PSMD1: variants seen among roughly 807,000 people sequenced by gnomAD.
The protein encoded by PSMD1 is proteasome 26S subunit, non-ATPase 1.
Under a neutral mutation model 119.0 loss-of-function variants are expected in PSMD1, and 18 were observed. That is an observed-to-expected ratio of 0.15 (90% CI 0.10 to 0.22). PSMD1 has a LOEUF of 0.22. Among genes scored for constraint, PSMD1 ranks in the 10% least tolerant of loss-of-function variants. PSMD1 has a pLI of 1.00. For synonymous variants in PSMD1, 374 were observed against 396.6 expected, an observed-to-expected ratio of 0.94 and a Z score of 0.68; for missense variants, 702 against 1,158.5, an observed-to-expected ratio of 0.61 and a Z score of 5.72.
At chr2:231,075,775 G>T (rs1336893346) in intron 8 of PSMD1, among the ~76,000 whole-genome samples, 1 of 152,078 alleles carries the variant, frequency 6.6e-6, no homozygotes, top group Non-Finnish European at 1.5e-5. Flanking sequence ...GTAGAGACAG[G>T]GTTCGCTGTG....
intron 17 of PSMD1, among the ~76,000 whole-genome samples, chr2:231,141,153 C>CA (rs1220179596): frequency 6.6e-6 from 1 of 151,998 alleles, no homozygotes; most frequent in African/African-American, 2.4e-5. Flanking sequence ...ACTAAAAATA[C>CA]AAAAAATTAG....
chr2:231,103,422 T>TA (rs34000762), intron 16 of PSMD1, among the ~76,000 whole-genome samples: 108 of 152,338 alleles, frequency 7.1e-4, no homozygotes, highest in Non-Finnish European at 1.4e-3. Flanking sequence ...GCCTGATTGT[T>TA]TCTTAAGTTA....
At chr2:231,110,800 G>A (rs1335199480) in intron 16 of PSMD1, among the ~76,000 whole-genome samples, 5 of 152,186 alleles carry the variant, frequency 3.3e-5, no homozygotes, top group African/African-American at 1.2e-4. Context: ...CCATTTGTTA[G>A]TAACATATTG....
At chr2:231,099,531 T>C (rs933932332) in intron 16 of PSMD1, among the ~76,000 whole-genome samples, 2 of 152,224 alleles carry the variant, frequency 1.3e-5, no homozygotes, top group African/African-American at 2.4e-5. Context: ...TAGGGAGATA[T>C]CCAGGGGGAT....
intron 14 of PSMD1, among the ~76,000 whole-genome samples, chr2:231,083,976 T>C (rs1694374048): frequency 6.6e-6 from 1 of 152,218 alleles, no homozygotes; most frequent in Non-Finnish European, 1.5e-5. Context: ...TAAATTTTGC[T>C]ATAGCTTCAG....
chr2:231,165,486 A>G (rs901640684), intron 22 of PSMD1, among the ~76,000 whole-genome samples, 200 bp downstream of exon 22: 2 of 152,190 alleles, frequency 1.3e-5, no homozygotes, highest in African/African-American at 4.8e-5. Context: ...AGAAGGGTAC[A>G]AATCAGTAAA....
At chr2:231,130,659 G>C (rs997238279) in intron 16 of PSMD1, among the ~76,000 whole-genome samples, 2 of 152,020 alleles carry the variant, frequency 1.3e-5, no homozygotes, top group African/African-American at 4.8e-5. Context: ...GGTTTCGCGG[G>C]AATGCCAAGG....
Position 231,153,597 on chromosome 2 carries a change from A to G in PSMD1, c.2149A>G (p.Ile717Val), listed in dbSNP as rs780310879. Residue 717 changes from isoleucine to valine, a missense_variant, in exon 19 of 25, where the codon ATC becomes GTC. Physicochemically the swap from Ile to Val is conservative, Grantham distance 29 (BLOSUM62 3). Transcript: ENST00000308696. ...GTTCAGACAGCTGTATTCCAAAGTC[A>G]TCAATGATAAGCATGATGATGTCAT... is the stretch of plus-strand genomic sequence containing the variant. Reference protein sequence around the residue: ...NQFRQLYSKVINDKHDDVMAK... With the variant: ...NQFRQLYSKVVNDKHDDVMAK... 3 of 1,613,838 alleles carry G rather than the reference A, an allele frequency of 1.9e-6. No homozygotes were observed. The highest frequency in any genetic ancestry group is 1.3e-5 in the African/African-American group (1 of 74,918).
At chr2:231,113,973 G>GTTT in intron 16 of PSMD1, 2 of 1,533,706 alleles carry the variant, frequency 1.3e-6, no homozygotes, top group Non-Finnish European at 1.8e-6. Flanking sequence ...TCTATAAAAT[G>GTTT]GCAACTTTCA....
intron 17 of PSMD1, among the ~76,000 whole-genome samples, chr2:231,144,705 C>A (rs1243747311): frequency 6.6e-6 from 1 of 152,154 alleles, no homozygotes; most frequent in South Asian, 2.1e-4. Context: ...CAAGCCACCA[C>A]GCCCACCCAG....
At chr2:231,135,751 A>G (rs1167030564) in intron 16 of PSMD1, among the ~76,000 whole-genome samples, 1 of 152,144 alleles carries the variant, frequency 6.6e-6, no homozygotes, top group Non-Finnish European at 1.5e-5. Context: ...GTTTTCTAAT[A>G]TATTGCTTTT....
At chr2:231,118,139 T>G (rs1034095066) in intron 16 of PSMD1, among the ~76,000 whole-genome samples, 44 of 152,098 alleles carry the variant, frequency 2.9e-4, no homozygotes, top group African/African-American at 9.9e-4. Context: ...GTACCTGTTT[T>G]ATAGGATTTC....
intron 23 of PSMD1, among the ~76,000 whole-genome samples, chr2:231,168,639 A>G (rs1256037151): frequency 6.6e-6 from 1 of 152,242 alleles, no homozygotes; most frequent in Non-Finnish European, 1.5e-5. Flanking sequence ...TACCAAGGAC[A>G]GGGGAAGGGG....
chr2:231,070,846 A>G (rs1448649497), intron 6 of PSMD1, among the ~76,000 whole-genome samples: 2 of 152,034 alleles, frequency 1.3e-5, no homozygotes. Context: ...CATTTTTTGT[A>G]TTCTGCTCAG....
intron 16 of PSMD1, among the ~76,000 whole-genome samples, chr2:231,122,853 A>G (rs1695593389): frequency 6.6e-6 from 1 of 152,162 alleles, no homozygotes. Context: ...TCCTTCAGCA[A>G]CTAAACATAA....
intron 16 of PSMD1, chr2:231,113,820 G>A: frequency 6.2e-7 from 1 of 1,614,124 alleles, no homozygotes; most frequent in Non-Finnish European, 8.5e-7. Context: ...TGATGGCTAT[G>A]TAACGATCCA....
chr2:231,120,241 C>T lies in PSMD1; in HGVS notation c.1884-18495C>T, dbSNP rs145082949. Reference sequence around the variant, plus strand: ...TGCTGGGGTTACAGGCATGAGCCACCGTGCCCAGCCTCCCCTGTTACTTTT... The same window carrying T: ...TGCTGGGGTTACAGGCATGAGCCACTGTGCCCAGCCTCCCCTGTTACTTTT... On this transcript the variant is annotated intron_variant, in intron 16 of 24. Coordinates refer to ENST00000308696, the MANE Select transcript of PSMD1 (RefSeq NM_002807.4). Among the ~76,000 whole-genome samples the T allele has an allele frequency of 5.9e-3, 899 of 152,270 alleles. 6 individuals are homozygous for T. The highest frequency in any genetic ancestry group is 8.7e-3 in the Non-Finnish European group (590 of 68,020).
At chr2:231,084,485 A>G (rs943641753) in intron 14 of PSMD1, among the ~76,000 whole-genome samples, 1 of 151,788 alleles carries the variant, frequency 6.6e-6, no homozygotes, top group Non-Finnish European at 1.5e-5. Context: ...TTTTTTTTCC[A>G]TTGCCTTTTG....
intron 18 of PSMD1, among the ~76,000 whole-genome samples, chr2:231,151,143 T>A (rs940709882): frequency 6.6e-6 from 1 of 152,168 alleles, no homozygotes; most frequent in Non-Finnish European, 1.5e-5. Context: ...AAAGCTAATA[T>A]GATTTTTCTC....
Sources: allele counts gnomAD v4.1 joint callset (sites outside exome capture counted in the v4.1 genomes callset), GRCh38; gene constraint gnomAD v4.1.1; transcripts MANE v1.5; gene names NCBI Gene and HGNC (gene_info 2026-07-23, HGNC 2026-07-21).